Variants in CDH12 observed in about 807,000 individuals in gnomAD.
CDH12 encodes the protein cadherin 12, also known as cadherin-12.
Under a neutral mutation model 74.1 loss-of-function variants are expected in CDH12, and 41 were observed. The observed-to-expected ratio is 0.55, with a 90% CI of 0.43 to 0.72. The LOEUF (loss-of-function observed/expected upper bound fraction) is 0.72. CDH12 is among the 30% of genes least tolerant of loss of function. The probability of loss-of-function intolerance (pLI) is 0.00; values close to 1 mark genes in which losing one functional copy is unlikely to be tolerated. For missense variants in CDH12, 945 were observed against 977.2 expected (o/e 0.97, Z 0.44); for synonymous variants, 399 against 355.0 (o/e 1.12, Z -1.39).
intron 1 of CDH12, among the ~76,000 whole-genome samples, chr5:22,535,316 G>A (rs913240236): frequency 2.0e-5 from 3 of 151,682 alleles, no homozygotes; most frequent in East Asian, 3.9e-4. Context: ...TACCACGCCC[G>A]GCTAATTTTT....
chr5:22,327,902 A>C (rs924992019), intron 3 of CDH12, among the ~76,000 whole-genome samples: 2 of 152,228 alleles, frequency 1.3e-5, no homozygotes, highest in Non-Finnish European at 2.9e-5. Flanking sequence ...AAATATGCTT[A>C]TGTAATAAAT....
intron 1 of CDH12, among the ~76,000 whole-genome samples, chr5:22,788,576 A>G (rs1747757162): frequency 6.7e-6 from 1 of 148,290 alleles, no homozygotes; most frequent in Non-Finnish European, 1.5e-5. Flanking sequence ...CTTGATATAT[A>G]TGAAATATAT....
At chr5:22,526,741 A>G (rs965704917) in intron 1 of CDH12, among the ~76,000 whole-genome samples, 1 of 152,144 alleles carries the variant, frequency 6.6e-6, no homozygotes, top group South Asian at 2.1e-4. Flanking sequence ...TGGTGGCAAT[A>G]ATCTTCGCAG....
At chr5:21,818,198 C>T (rs760065993) in intron 8 of CDH12, among the ~76,000 whole-genome samples, 4 of 151,880 alleles carry the variant, frequency 2.6e-5, no homozygotes, top group Non-Finnish European at 4.4e-5. Context: ...TTTCTCTTAC[C>T]GGATTTAGAA....
chr5:21,755,135 T>C (rs1744313049), intron 14 of CDH12, among the ~76,000 whole-genome samples: 2 of 152,188 alleles, frequency 1.3e-5, no homozygotes, highest in African/African-American at 4.8e-5. Context: ...TTTATCTTCC[T>C]TTCTTTATTG....
At chr5:21,850,471 C>T (rs1015726326) in intron 7 of CDH12, among the ~76,000 whole-genome samples, 11 of 151,430 alleles carry the variant, frequency 7.3e-5, no homozygotes, top group African/African-American at 2.7e-4. Flanking sequence ...ATGTTCAAGT[C>T]ATAAGCCTAA....
chr5:21,882,379 A>G (rs375506220), intron 6 of CDH12, among the ~76,000 whole-genome samples: 12 of 152,210 alleles, frequency 7.9e-5, no homozygotes, highest in African/African-American at 2.9e-4. Flanking sequence ...TTTCAAATTG[A>G]TTTTTAAATC....
chr5:22,062,291 T>C (rs1479897510), intron 5 of CDH12, among the ~76,000 whole-genome samples: 1 of 152,156 alleles, frequency 6.6e-6, no homozygotes, highest in African/African-American at 2.4e-5. Flanking sequence ...AGAACTAGCA[T>C]ACAATGGACA....
chr5:22,706,092 G>A (rs1235483180), intron 1 of CDH12, among the ~76,000 whole-genome samples: 1 of 151,960 alleles, frequency 6.6e-6, no homozygotes, highest in Non-Finnish European at 1.5e-5. Context: ...TGAGTTTTGG[G>A]CAGAAGAAAT....
chr5:22,336,801 G>A (rs35152476), intron 3 of CDH12, among the ~76,000 whole-genome samples: 10 of 152,328 alleles, frequency 6.6e-5, no homozygotes, highest in East Asian at 1.9e-4. Flanking sequence ...ATGTGAGGTC[G>A]GAGCCCCCAC....
chr5:22,399,047 G>A (rs979485720), intron 3 of CDH12, among the ~76,000 whole-genome samples: 5 of 151,970 alleles, frequency 3.3e-5, no homozygotes, highest in African/African-American at 9.7e-5. Context: ...TGCTTTTGGT[G>A]TGTTCTTGAT....
intron 1 of CDH12, among the ~76,000 whole-genome samples, chr5:22,618,223 C>A (rs10069713): frequency 0.15 from 22,409 of 152,056 alleles, 2,149 homozygotes; most frequent in Admixed American, 0.33. Context: ...CACATGAATC[C>A]ACTGTGAGAT....
chr5:21,813,967 G>A (rs566812851), intron 9 of CDH12, among the ~76,000 whole-genome samples: 2 of 152,260 alleles, frequency 1.3e-5, no homozygotes, highest in South Asian at 4.1e-4. Context: ...AGTGCAGGCA[G>A]TGTGTTTGTT....
In CDH12 at chr5:22,570,200, C is replaced by T. The variant is rs1015540941; in HGVS notation, c.-522-64836G>A. ...CCTCTCGAGCAGCTGGGATTACAGG[C>T]GCCCACCACCACACCTGGCTAATTT... On this transcript the variant is annotated intron_variant, in intron 1 of 14. Transcript: ENST00000382254. 1.1e-4 allele frequency among the ~76,000 whole-genome samples: 17 copies of T among 151,908 alleles called. No homozygotes were observed. In the East Asian group the frequency reaches 1.4e-3, roughly 12 times the overall value.
At chr5:22,407,269 A>G (rs1279726686) in intron 2 of CDH12, among the ~76,000 whole-genome samples, 1 of 152,094 alleles carries the variant, frequency 6.6e-6, no homozygotes, top group Non-Finnish European at 1.5e-5. Flanking sequence ...AATGAGAGGC[A>G]CTACTATAAT....
At chr5:22,151,709 A>G (rs1747595153) in intron 4 of CDH12, among the ~76,000 whole-genome samples, 1 of 152,322 alleles carries the variant, frequency 6.6e-6, no homozygotes, top group East Asian at 1.9e-4. Flanking sequence ...GATTAAATAT[A>G]CAGAGAAGCA....
chr5:22,599,687 A>G (rs1736763681), intron 1 of CDH12, among the ~76,000 whole-genome samples: 1 of 152,170 alleles, frequency 6.6e-6, no homozygotes, highest in Non-Finnish European at 1.5e-5. Flanking sequence ...TCCTATAAGG[A>G]AGCTTCCAAT....
At chr5:22,274,337 C>G (rs966299648) in intron 3 of CDH12, among the ~76,000 whole-genome samples, 9 of 152,002 alleles carry the variant, frequency 5.9e-5, no homozygotes, top group African/African-American at 2.2e-4. Flanking sequence ...TTTAATAATT[C>G]AATTTCACTG....
intron 6 of CDH12, among the ~76,000 whole-genome samples, chr5:21,935,737 T>C (rs1230421878): frequency 2.6e-5 from 4 of 152,188 alleles, no homozygotes; most frequent in Non-Finnish European, 5.9e-5. Context: ...CCCGCTTTCC[T>C]CCCAAACCCT....
Sources: allele counts gnomAD v4.1 joint callset (sites outside exome capture counted in the v4.1 genomes callset), GRCh38; gene constraint gnomAD v4.1.1; transcripts MANE v1.5; gene names NCBI Gene and HGNC (gene_info 2026-07-23, HGNC 2026-07-21).